Variants in RNF19A observed in about 807,000 individuals in gnomAD.
The protein encoded by RNF19A is ring finger protein 19A, RBR E3 ubiquitin protein ligase.
In RNF19A, 32 loss-of-function variants were observed where a neutral mutation model predicts 75.7. The observed-to-expected ratio is 0.42, with a 90% CI of 0.32 to 0.57. The LOEUF is 0.57. Ranked by LOEUF, RNF19A falls within the 20% of genes least tolerant of loss-of-function variation. The pLI is 0.10. For missense variants in RNF19A, 782 were observed against 1,036.3 expected, an observed-to-expected ratio of 0.75 and a Z score of 3.37; for synonymous variants, 335 against 345.2, an observed-to-expected ratio of 0.97 and a Z score of 0.33.
intron 1 of RNF19A, among the ~76,000 whole-genome samples, chr8:100,308,217 G>A (rs149027946): frequency 2.0e-3 from 308 of 152,216 alleles, no homozygotes; most frequent in African/African-American, 6.9e-3. Context: ...ACCTTGCGAT[G>A]ACATTAAAAT....
rs113325558 is a variant in RNF19A, at chr8:100,260,459, A to C, written c.1683-462T>G. Among the ~76,000 whole-genome samples the C allele has an allele frequency of 5.1e-3, 784 of 152,290 alleles. 9 individuals are homozygous for C. The highest frequency in any genetic ancestry group is 0.018 in the African/African-American group (767 of 41,558). On this transcript the variant is annotated intron_variant, in intron 8 of 9. Transcript: ENST00000341084. This position sits in a 1 kb window ranked among gnomAD's most constrained non-coding sequence, Gnocchi z 4.1. The stretch of plus-strand genomic sequence containing the variant: ...TTTATTTATATATATTTTTAGAGAC[A>C]GGGTCTCGTTATGTTGCCCAGGCTG...
Position 100,257,310 on chromosome 8 carries a change from A to T in RNF19A, c.*1246T>A, listed in dbSNP as rs1283845486. 1 of 152,572 alleles carries T rather than the reference A, an allele frequency of 6.6e-6. No homozygotes were observed. The highest frequency in any genetic ancestry group is 1.9e-4 in the East Asian group (1 of 5,206). 9.5% of individuals were successfully genotyped at this position (152,572 alleles called of 1,614,324 possible). On this transcript the variant is annotated 3_prime_UTR_variant, in exon 10 of 10. Transcript: ENST00000341084. ...ACCATAATGGTAATACTTAAAAGAA[A>T]TACATAAGATAGAACATTTTAACTG...
At chr8:100,304,228 C>G (rs1187878977) in intron 1 of RNF19A, among the ~76,000 whole-genome samples, 1 of 152,060 alleles carries the variant, frequency 6.6e-6, no homozygotes, top group South Asian at 2.1e-4. Flanking sequence ...TCCCAAAGTG[C>G]TGGAATTACA....
At chr8:100,290,655 T>C (rs558331952) in intron 1 of RNF19A, among the ~76,000 whole-genome samples, 23 of 152,298 alleles carry the variant, frequency 1.5e-4, no homozygotes, top group African/African-American at 5.3e-4. Flanking sequence ...GCTCAATCTA[T>C]ACAAATACAG....
In RNF19A at chr8:100,324,901, TTCTC is replaced by T. The variant is rs1426592063; in HGVS notation, c.-243+11203_-243+11206del. On this transcript the variant is annotated intron_variant, in intron 1 of 3. Coordinates refer to the RNF19A transcript ENST00000519527. This position sits in a 1 kb window ranked among gnomAD's most constrained non-coding sequence, Gnocchi z 4.2. ...TTTTTCTTTCTTTCTCTCTCTCTCT[TTCTC>T]TCTTTCTTTCTTTCTTTTCTTGATA... 1.5e-5 allele frequency among the ~76,000 whole-genome samples: 2 copies of T among 131,872 alleles called. No individual in the cohort carries two copies. Among genetic ancestry groups the T allele is most frequent in the East Asian group, 2.2e-4 (1 of 4,464 alleles). The allele number at this position is 131,872 out of a possible 152,430, so 86.5% of individuals were successfully genotyped here. A position where few individuals can be genotyped will look rare whatever the true frequency, so the allele number is the denominator to read the frequency against.
At chr8:100,270,470 A>G (rs923629551) in intron 3 of RNF19A, among the ~76,000 whole-genome samples, 31 of 152,124 alleles carry the variant, frequency 2.0e-4, no homozygotes, top group Non-Finnish European at 3.1e-4. Context: ...TGACAATTTG[A>G]TATTAATCTG....
At chr8:100,276,287 A>C (rs567871807) in intron 2 of RNF19A, among the ~76,000 whole-genome samples, 1 of 152,220 alleles carries the variant, frequency 6.6e-6, no homozygotes, top group Non-Finnish European at 1.5e-5. Flanking sequence ...GTAACACCTT[A>C]GGTGACTCTT....
At chr8:100,335,758 C>T (rs1400217049) in intron 1 of RNF19A, among the ~76,000 whole-genome samples, 1 of 152,164 alleles carries the variant, frequency 6.6e-6, no homozygotes, top group African/African-American at 2.4e-5. Flanking sequence ...TGGACAGTGA[C>T]GGTGGCCGCC....
intron 1 of RNF19A, among the ~76,000 whole-genome samples, chr8:100,299,853 T>G (rs1358878408): frequency 6.6e-6 from 1 of 152,248 alleles, no homozygotes; most frequent in Non-Finnish European, 1.5e-5. Context: ...TACAAATTAT[T>G]GATAACAGTA....
At chr8:100,265,569 C>T (rs1395184426) in intron 5 of RNF19A, among the ~76,000 whole-genome samples, 1 of 152,122 alleles carries the variant, frequency 6.6e-6, no homozygotes, top group Non-Finnish European at 1.5e-5. Flanking sequence ...CATTTTCCCC[C>T]TCTGTTCCAA....
In RNF19A at chr8:100,258,775, G is replaced by C. The variant is rs1262970494; in HGVS notation, c.2298C>G (p.Asp766Glu). The change falls in exon 10 of 10, where the codon GAC becomes GAG. Residue 766 changes from aspartate to glutamate, a missense_variant. Asp to Glu is a conservative substitution (Grantham distance 45). Coordinates refer to ENST00000341084, the MANE Select transcript of RNF19A (RefSeq NM_183419.4). This position sits in a 1 kb window ranked among gnomAD's most constrained non-coding sequence, Gnocchi z 4.3. The stretch of plus-strand genomic sequence containing the variant: ...ACTGATGTGGGGAATTTTCCAGACG[G>C]TCATTTTCTACCTCAGGAAGAATGT... ...TVNILPEVEN[D>E]RLENSPHQCS... is the part of the protein sequence containing the mutation. The C allele has an allele frequency of 6.2e-7, 1 of 1,614,190 alleles. No individual in the cohort carries two copies. Among genetic ancestry groups the C allele is most frequent in the East Asian group, 2.2e-5 (1 of 44,882 alleles).
In RNF19A at chr8:100,293,142, C is replaced by T. The variant is rs148193031; in HGVS notation, c.-93-4875G>A. On this transcript the variant is annotated intron_variant, in intron 1 of 9. Transcript: ENST00000341084. ...TCAGGCAATAATGCTCACGGCTGCT[C>T]GCCTCCTGCTGCGTGGCCCAGTTCC... 4.6e-5 allele frequency among the ~76,000 whole-genome samples: 7 copies of T among 152,320 alleles called. 1 individual carries two copies. Among genetic ancestry groups the T allele is most frequent in the African/African-American group, 1.7e-4 (7 of 41,562 alleles).
intron 1 of RNF19A, among the ~76,000 whole-genome samples, chr8:100,297,861 G>A (rs1446016591): frequency 2.0e-5 from 3 of 152,092 alleles, no homozygotes; most frequent in East Asian, 1.9e-4. Context: ...TGGGGGGAAA[G>A]GTTTTTTAAA....
At position 100,331,804 on chromosome 8, in the gene RNF19A, A is replaced by G. The variant is rs1038576904; in HGVS notation, c.-243+4304T>C. Among the ~76,000 whole-genome samples the G allele has an allele frequency of 6.6e-6, 1 of 152,198 alleles. No homozygotes were observed. Among genetic ancestry groups the G allele is most frequent in the Non-Finnish European group, 1.5e-5 (1 of 68,042 alleles). On this transcript the variant is annotated intron_variant, in intron 1 of 3. Transcript: ENST00000519527. This position sits in a 1 kb window ranked among gnomAD's most constrained non-coding sequence, Gnocchi z 5.2. Reference sequence around the variant, plus strand: ...ATTGATCAAAAGCAAGTCTGTGCACATACAAATAAATCTATATATATCCTC... The same window carrying G: ...ATTGATCAAAAGCAAGTCTGTGCACGTACAAATAAATCTATATATATCCTC...
At chr8:100,272,057 T>C (rs1170338989) in intron 3 of RNF19A, among the ~76,000 whole-genome samples, 1 of 152,166 alleles carries the variant, frequency 6.6e-6, no homozygotes, top group African/African-American at 2.4e-5. Context: ...TGTCCTCAAA[T>C]GTTAACAATG....
intron 1 of RNF19A, among the ~76,000 whole-genome samples, chr8:100,316,532 A>G (rs1000363043): frequency 2.3e-4 from 35 of 152,116 alleles, no homozygotes; most frequent in Admixed American, 2.1e-3. Context: ...TTAGATACAG[A>G]GTATCAACAC....
intron 1 of RNF19A, among the ~76,000 whole-genome samples, chr8:100,316,253 T>A (rs1283587791): frequency 6.6e-6 from 1 of 152,102 alleles, no homozygotes; most frequent in Non-Finnish European, 1.5e-5. Context: ...CGGTGAGTGT[T>A]ACAGCTCATA....
Position 100,259,382 on chromosome 8 carries a change from C to A in RNF19A, c.1827-136G>T. On this transcript the variant is annotated intron_variant, in intron 9 of 9. Transcript: ENST00000341084. The surrounding 1 kb of genome is among the most constrained non-coding windows in gnomAD (Gnocchi z 4.5). ...ACACCTTAACGCAGAACACGTTCTA[C>A]TTAAAAAACATACTTGATATAACAG... The A allele has an allele frequency of 1.5e-6, 1 of 662,106 alleles. No homozygotes were observed. The highest frequency in any genetic ancestry group is 2.6e-6 in the Non-Finnish European group (1 of 390,074). 41.0% of individuals were successfully genotyped at this position (662,106 alleles called of 1,614,324 possible).
Position 100,317,008 on chromosome 8 carries a change from C to CTGGCCCGGGTGCTAAGTCCCTCA in RNF19A, c.-242-3659_-242-3637dup, listed in dbSNP as rs1822390653. ...GGACCCAGTACACTCTCCGCAGCCG[C>CTGGCCCGGGTGCTAAGTCCCTCA]TGGCCCGGGTGCTAAGTCCCTCATT... On this transcript the variant is annotated intron_variant, in intron 1 of 3. Coordinates refer to the RNF19A transcript ENST00000519527. This position sits in a 1 kb window ranked among gnomAD's most constrained non-coding sequence, Gnocchi z 4.3. 2.0e-5 allele frequency among the ~76,000 whole-genome samples: 3 copies of CTGGCCCGGGTGCTAAGTCCCTCA among 152,092 alleles called. No individual in the cohort carries two copies. The highest frequency in any genetic ancestry group is 1.3e-4 in the Admixed American group (2 of 15,268).
Sources: allele counts gnomAD v4.1 joint callset (sites outside exome capture counted in the v4.1 genomes callset), GRCh38; gene constraint gnomAD v4.1.1; non-coding constraint Gnocchi (gnomAD v3.1); transcripts MANE v1.5; gene names NCBI Gene and HGNC (gene_info 2026-07-23, HGNC 2026-07-21).